PRP4K: variants seen among roughly 807,000 people sequenced by gnomAD.
The protein encoded by PRP4K is pre-mRNA processing factor kinase PRP4K.
At chr6:4,022,371 C>G in the PRP4K span, among the ~76,000 whole-genome samples, 9 of 150,854 alleles carry the variant, frequency 6.0e-5, no homozygotes, top group African/African-American at 2.2e-4. Flanking sequence ...CAGTATTTTG[C>G]TGTTCATGTC....
At chr6:4,047,328 A>G in the PRP4K span, 1 of 1,121,056 alleles carries the variant, frequency 8.9e-7, no homozygotes, top group Non-Finnish European at 1.3e-6. Context: ...GAGAAAGAAG[A>G]ATAAAGCAAA....
chr6:4,038,336 C>G, the PRP4K span, among the ~76,000 whole-genome samples: 107,426 of 151,768 alleles, frequency 0.71, 38,101 homozygotes, highest in East Asian at 0.77. Flanking sequence ...CTGTTGCCCA[C>G]GCTGGAGTGC....
At chr6:4,063,782 G>A in the PRP4K span, 1 of 152,128 alleles carries the variant, frequency 6.6e-6, no homozygotes. Context: ...CTACTAGATT[G>A]AATTTATTTA....
chr6:4,042,527 C>G, the PRP4K span: 1 of 1,610,284 alleles, frequency 6.2e-7, no homozygotes, highest in Admixed American at 1.7e-5. Context: ...TGAAGAAGCC[C>G]TAATAGAACA....
At chr6:4,043,395 G>A in the PRP4K span, among the ~76,000 whole-genome samples, 1 of 152,288 alleles carries the variant, frequency 6.6e-6, no homozygotes, top group South Asian at 2.1e-4. Flanking sequence ...GGGGCCATAT[G>A]TGCTTTGGAA....
At chr6:4,028,875 A>G in the PRP4K span, among the ~76,000 whole-genome samples, 105,261 of 151,892 alleles carry the variant, frequency 0.69, 36,551 homozygotes, top group East Asian at 0.77. Flanking sequence ...ATTCAAGACT[A>G]TGAGACCTGG....
At chr6:4,023,097 C>T in the PRP4K span, among the ~76,000 whole-genome samples, 1 of 152,186 alleles carries the variant, frequency 6.6e-6, no homozygotes, top group Non-Finnish European at 1.5e-5. Context: ...CTGTATATGT[C>T]TCACTTTCAG....
chr6:4,059,097 T>C, the PRP4K span, among the ~76,000 whole-genome samples: 2 of 152,232 alleles, frequency 1.3e-5, no homozygotes, highest in Non-Finnish European at 2.9e-5. Flanking sequence ...CCAGCTTTCT[T>C]ATTGCTGCTA....
the PRP4K span, among the ~76,000 whole-genome samples, chr6:4,057,428 G>C: frequency 6.6e-6 from 1 of 152,200 alleles, no homozygotes; most frequent in African/African-American, 2.4e-5. Context: ...ATATTTTGGG[G>C]ATACACCCTT....
At chr6:4,037,979 T>C in the PRP4K span, among the ~76,000 whole-genome samples, 1 of 152,138 alleles carries the variant, frequency 6.6e-6, no homozygotes, top group Non-Finnish European at 1.5e-5. Context: ...AAGGCCTATT[T>C]AATTTGCCAT....
chr6:4,036,348 A>G, the PRP4K span, among the ~76,000 whole-genome samples: 4 of 152,046 alleles, frequency 2.6e-5, no homozygotes, highest in African/African-American at 9.7e-5. Context: ...GAGCCTCCCT[A>G]TTAGTTGGGA....
At chr6:4,050,925 A>G in the PRP4K span, among the ~76,000 whole-genome samples, 1 of 152,070 alleles carries the variant, frequency 6.6e-6, no homozygotes, top group Admixed American at 6.6e-5. Context: ...GTTTTGAGAC[A>G]GGGTTTTGCT....
the PRP4K span, chr6:4,021,611 T>C: frequency 8.5e-7 from 1 of 1,176,868 alleles, no homozygotes; most frequent in Admixed American, 2.1e-5. Flanking sequence ...GTGGGAGGCA[T>C]GGGGAGCAGG....
chr6:4,036,985 C>CAAAA, the PRP4K span, among the ~76,000 whole-genome samples: 4 of 113,936 alleles, frequency 3.5e-5, no homozygotes, highest in Non-Finnish European at 7.2e-5. Flanking sequence ...GACCCTGTCT[C>CAAAA]AAAAAAAAAA....
the PRP4K span, among the ~76,000 whole-genome samples, chr6:4,047,012 T>C: frequency 1.3e-5 from 2 of 152,236 alleles, no homozygotes; most frequent in Non-Finnish European, 2.9e-5. Context: ...TACCTTTATG[T>C]ATCATAAATG....
chr6:4,032,802 T>A, the PRP4K span: 4 of 1,432,590 alleles, frequency 2.8e-6, no homozygotes, highest in South Asian at 1.8e-5. Context: ...TGCATGAGAT[T>A]TTAAACGGAA....
the PRP4K span, among the ~76,000 whole-genome samples, chr6:4,026,194 G>A: frequency 1.3e-5 from 2 of 151,578 alleles, no homozygotes; most frequent in African/African-American, 4.9e-5. Flanking sequence ...AGTAGAGATG[G>A]GGTTTCTCCA....
the PRP4K span, chr6:4,042,503 G>A: frequency 1.2e-6 from 2 of 1,610,812 alleles, no homozygotes; most frequent in Non-Finnish European, 1.7e-6. Flanking sequence ...AGACTTTGAT[G>A]TAGAGGAAGA....
the PRP4K span, chr6:4,021,512 G>A: frequency 1.3e-6 from 2 of 1,561,800 alleles, no homozygotes; most frequent in East Asian, 2.4e-5. Context: ...CCCGGGGACT[G>A]CCGAGTGGGA....
Sources: gnomAD v4.1 joint callset for allele counts (sites outside exome capture counted in the v4.1 genomes callset) on GRCh38, gnomAD v4.1.1 for gene constraint, MANE v1.5 for transcripts, NCBI Gene and HGNC (gene_info 2026-07-23, HGNC 2026-07-21) for gene names.